ATP2C2: variants seen among roughly 807,000 people sequenced by gnomAD.
ATP2C2 encodes the protein calcium-transporting ATPase type 2C member 2.
Under a neutral mutation model 110.8 loss-of-function variants are expected in ATP2C2, and 171 were observed. That is an observed-to-expected ratio of 1.54 (90% confidence interval 1.36 to 1.75). ATP2C2 has a LOEUF of 1.75. ATP2C2 is among the 40% of genes most tolerant of loss of function. The probability of loss-of-function intolerance (pLI) is 0.00; values close to 1 mark genes in which losing one functional copy is unlikely to be tolerated. For synonymous variants in ATP2C2, 804 were observed against 508.4 expected (o/e 1.58, Z -7.82); for missense variants, 1,963 against 1,235.0 (o/e 1.59, Z -8.84).
chr16:84,408,379 G>A lies in ATP2C2; in HGVS notation c.328-26G>A, dbSNP rs562953630. 1.1e-5 allele frequency: 17 copies of A among 1,605,678 alleles called. No individual in the cohort carries two copies. The East Asian group carries it at 3.3e-4, about 32-fold the overall frequency. On this transcript the variant is annotated intron_variant, in intron 3 of 26. Transcript: ENST00000262429. The stretch of plus-strand genomic sequence containing the variant: ...TCTGGTCCCTGAGACTAAAGAACGT[G>A]CCCCACCCTGTTATTTCCTCTTCAG...
At chr16:84,371,297 A>C (rs1567679816) in intron 1 of ATP2C2, among the ~76,000 whole-genome samples, 1 of 152,226 alleles carries the variant, frequency 6.6e-6, no homozygotes, top group Admixed American at 6.5e-5. Context: ...CAGGAGGGTC[A>C]CTTGAACCCC....
At chr16:84,410,530 G>C (rs1906179428) in intron 4 of ATP2C2, 38 bp from the exon 5 acceptor site, 5 of 1,609,980 alleles carry the variant, frequency 3.1e-6, no homozygotes, top group Non-Finnish European at 4.2e-6. Flanking sequence ...CTCCCACTGA[G>C]CCTCTGGTAC....
intron 2 of ATP2C2, among the ~76,000 whole-genome samples, chr16:84,402,117 C>T (rs541808945): frequency 2.0e-5 from 3 of 151,688 alleles, no homozygotes; most frequent in East Asian, 3.9e-4. Flanking sequence ...ATTTCTTTTG[C>T]AGATTGCTTT....
chr16:84,385,408 G>C (rs959238), intron 1 of ATP2C2, among the ~76,000 whole-genome samples: 38,871 of 152,080 alleles, frequency 0.26, 5,456 homozygotes, highest in South Asian at 0.37. Context: ...TTAGAGAATA[G>C]AATTGGACAT....
rs1302839499 is a variant in ATP2C2, at chr16:84,459,322, A to G, written c.2269A>G (p.Ser757Gly). Reference sequence around the variant, plus strand: ...TCTGTCCACCGTGTTCAACCTGCCCAGCCCCCTCAACGCCATGCAGATCCT... The same window carrying G: ...TCTGTCCACCGTGTTCAACCTGCCCGGCCCCCTCAACGCCATGCAGATCCT... ...ITLSTVFNLP[S>G]PLNAMQILWI... The change falls in exon 23 of 27, where the codon AGC (serine) becomes GGC (glycine). Residue 757 changes from serine to glycine, a missense_variant. By Grantham distance (56) the Ser-to-Gly change is moderately conservative. Transcript: ENST00000262429. 6.2e-7 allele frequency: 1 copy of G among 1,614,172 alleles called. No individual in the cohort carries two copies. Among genetic ancestry groups the G allele is most frequent in the Non-Finnish European group, 8.5e-7 (1 of 1,180,034 alleles).
chr16:84,419,124 G>T (rs1333205652), intron 7 of ATP2C2, among the ~76,000 whole-genome samples: 11 of 145,442 alleles, frequency 7.6e-5, no homozygotes, highest in African/African-American at 1.8e-4. Flanking sequence ...CAGGAGAATT[G>T]CTTGAACCTG....
At chr16:84,384,972 C>T (rs905228945) in intron 1 of ATP2C2, among the ~76,000 whole-genome samples, 1 of 152,128 alleles carries the variant, frequency 6.6e-6, no homozygotes, top group African/African-American at 2.4e-5. Context: ...TAGTTTGAAC[C>T]CAGGAGGCGG....
At chr16:84,389,006 G>A (rs141147230) in intron 1 of ATP2C2, among the ~76,000 whole-genome samples, 169 of 152,104 alleles carry the variant, frequency 1.1e-3, no homozygotes, top group African/African-American at 3.7e-3. Context: ...TCTTGACCTC[G>A]TGATCCACCC....
chr16:84,415,568 C>A lies in ATP2C2; in HGVS notation c.601C>A (p.Pro201Thr). ...VVSLSIGDRI[P>T]ADIRLTEVTD... ...ATCTCTCTCGATCGGAGACCGGATC[C>A]CTGCAGACATCCGACTCACTGAGGT... Residue 201 changes from proline (P) to threonine (T), a missense_variant, in exon 7 of 27, where the codon CCT becomes ACT. Coordinates refer to ENST00000262429, the MANE Select transcript of ATP2C2 (RefSeq NM_014861.4). 4 of 1,613,908 alleles carry A rather than the reference C, an allele frequency of 2.5e-6. No homozygotes were observed. The highest frequency in any genetic ancestry group is 3.4e-6 in the Non-Finnish European group (4 of 1,179,918).
In ATP2C2 at chr16:84,423,234, A is replaced by T; in HGVS notation, c.890A>T (p.Gln297Leu). ...AAAAGCATGGACAGGCTAGGAAAGC[A>T]ACTGACACTCTTCTCCTTTGGCATA... ...LQKSMDRLGK[Q>L]LTLFSFGIIG... The change falls in exon 10 of 27, where the codon CAA (glutamine) becomes CTA (leucine). Residue 297 changes from glutamine (Q) to leucine (L), a missense_variant. Physicochemically the swap from Gln to Leu is moderately radical, Grantham distance 113. Coordinates refer to ENST00000262429, the MANE Select transcript of ATP2C2 (RefSeq NM_014861.4). 2 of 1,614,178 alleles carry T rather than the reference A, an allele frequency of 1.2e-6. No individual in the cohort carries two copies. Among genetic ancestry groups the T allele is most frequent in the South Asian group, 2.2e-5 (2 of 91,084 alleles).
intron 16 of ATP2C2, among the ~76,000 whole-genome samples, chr16:84,448,268 A>C (rs1192323871): frequency 8.5e-6 from 1 of 117,738 alleles, no homozygotes; most frequent in African/African-American, 4.5e-5. Flanking sequence ...CTGAGTGACC[A>C]TAACAAGGGA....
intron 1 of ATP2C2, among the ~76,000 whole-genome samples, chr16:84,370,225 G>C (rs1161706225): frequency 6.6e-6 from 1 of 152,188 alleles, no homozygotes; most frequent in Non-Finnish European, 1.5e-5. Context: ...AGCTTTGCAG[G>C]AGAGTTCTCA....
intron 10 of ATP2C2, among the ~76,000 whole-genome samples, 169 bp from the exon 11 acceptor site, chr16:84,425,566 C>G (rs566560831): frequency 1.3e-5 from 2 of 152,136 alleles, no homozygotes; most frequent in Non-Finnish European, 2.9e-5. Context: ...TAGGTATAAA[C>G]GTATCTCCCT....
intron 1 of ATP2C2, among the ~76,000 whole-genome samples, chr16:84,375,234 T>G (rs1158171585): frequency 6.6e-6 from 1 of 152,164 alleles, no homozygotes; most frequent in African/African-American, 2.4e-5. Flanking sequence ...GATTCTAATG[T>G]TTTTAACATG....
Position 84,448,530 on chromosome 16 carries a change from A to G in ATP2C2, c.1504-3A>G, listed in dbSNP as rs138818397. The G allele has an allele frequency of 2.7e-4, 436 of 1,604,706 alleles. 1 individual carries two copies. The East Asian group carries it at 7.4e-3, about 27-fold the overall frequency. ...TGGATTTCTTCCCTTTGTCTTTTCTAAGGATCAGGAAGACATTTACTTCAT... is the reference window on the plus strand; with the variant it reads ...TGGATTTCTTCCCTTTGTCTTTTCTGAGGATCAGGAAGACATTTACTTCAT... On this transcript the variant is annotated splice_region_variant and splice_polypyrimidine_tract_variant and intron_variant, in intron 16 of 26. Transcript: ENST00000262429.
rs758963328 is a variant in ATP2C2 at position 84,452,109 on chromosome 16, G to A, written c.1831+18G>A. The A allele has an allele frequency of 1.1e-5, 17 of 1,613,350 alleles. 1 individual carries two copies. Among genetic ancestry groups the A allele is most frequent in the East Asian group, 4.5e-5 (2 of 44,876 alleles). On this transcript the variant is annotated intron_variant, in intron 18 of 26. Transcript: ENST00000262429. ...GGCCATAGGTAACTGGGACAGGGTC[G>A]GGGGTGAGGACGAAAGGACCCATCC...
At chr16:84,393,118 T>G (rs1904758711) in intron 1 of ATP2C2, among the ~76,000 whole-genome samples, 1 of 152,102 alleles carries the variant, frequency 6.6e-6, no homozygotes, top group South Asian at 2.1e-4. Flanking sequence ...GAGTGTGTGT[T>G]TGGGGTTGGG....
intron 11 of ATP2C2, among the ~76,000 whole-genome samples, chr16:84,433,773 A>G (rs34290782): frequency 0.21 from 32,305 of 152,160 alleles, 3,783 homozygotes; most frequent in South Asian, 0.26. Context: ...GAGGCAAGAA[A>G]GACGATTAAA....
rs190884549 is a variant in ATP2C2 at position 84,436,617 on chromosome 16, C to T, written c.987-2549C>T. ...AGAAATTGTACAGAGTGGATCCATG[C>T]GGTGACAGCACTTGGAGCTCCACTG... On this transcript the variant is annotated intron_variant, in intron 11 of 26. Coordinates refer to ENST00000262429, the MANE Select transcript of ATP2C2 (RefSeq NM_014861.4). Among the ~76,000 whole-genome samples the T allele has an allele frequency of 4.2e-3, 636 of 152,270 alleles. 22 individuals are homozygous for T. The highest frequency in any genetic ancestry group is 0.039 in the Admixed American group (589 of 15,294).
Sources: allele counts gnomAD v4.1 joint callset (sites outside exome capture counted in the v4.1 genomes callset), GRCh38; gene constraint gnomAD v4.1.1; transcripts MANE v1.5; gene names NCBI Gene and HGNC (gene_info 2026-07-23, HGNC 2026-07-21).